The following NRXN1 variants were observed in gnomAD, a reference collection of about 807,000 sequenced individuals.
NRXN1 encodes neurexin-1.
NRXN1 carries 39 observed loss-of-function variants against 150.9 expected under a neutral mutation model. The observed-to-expected ratio is 0.26, with a 90% CI of 0.20 to 0.34. NRXN1 has a LOEUF of 0.34. NRXN1 is among the 10% of genes least tolerant of loss of function. NRXN1 has a pLI of 1.00. For missense variants in NRXN1, 1,815 were observed against 1,949.9 expected, an observed-to-expected ratio of 0.93 and a Z score of 1.30; for synonymous variants, 924 against 757.0, an observed-to-expected ratio of 1.22 and a Z score of -3.62.
intron 5 of NRXN1, among the ~76,000 whole-genome samples, chr2:50,825,077 T>A (rs1177010544): frequency 6.6e-6 from 1 of 152,208 alleles, no homozygotes; most frequent in Non-Finnish European, 1.5e-5. Context: ...TTTCCCTGGA[T>A]GCTTCCAACG....
chr2:50,758,504 C>G (rs1020756227), intron 5 of NRXN1, among the ~76,000 whole-genome samples: 3 of 151,778 alleles, frequency 2.0e-5, no homozygotes, highest in Admixed American at 1.3e-4. Context: ...AATGATGTTT[C>G]GCTGTGTTAC....
At chr2:50,880,696 T>C (rs184341108) in intron 5 of NRXN1, among the ~76,000 whole-genome samples, 83 of 152,104 alleles carry the variant, frequency 5.5e-4, no homozygotes, top group Non-Finnish European at 9.3e-4. Flanking sequence ...GCTTTCAGAA[T>C]AACAGAATTT....
rs973171831 is a variant in NRXN1, at chr2:50,725,455, C to A, written c.833-101840G>T. 2.0e-5 allele frequency among the ~76,000 whole-genome samples: 3 copies of A among 151,952 alleles called. No individual in the cohort carries two copies. In the South Asian group the frequency reaches 6.2e-4, roughly 31 times the overall value. On this transcript the variant is annotated intron_variant, in intron 5 of 22. Coordinates refer to ENST00000401669, the MANE Select transcript of NRXN1 (RefSeq NM_001330078.2). ...TCTTGGCAAAGTTCATGAGAAAAAT[C>A]ACCACACTGATTACAGGTATTGTAA...
intron 5 of NRXN1, among the ~76,000 whole-genome samples, chr2:50,641,668 A>C (rs1309720009): frequency 6.6e-6 from 1 of 152,018 alleles, no homozygotes; most frequent in East Asian, 1.9e-4. Flanking sequence ...CTTAGGGCAA[A>C]GCGGTTTTGA....
At chr2:49,978,150 G>C (rs969709818) in intron 21 of NRXN1, among the ~76,000 whole-genome samples, 6 of 152,100 alleles carry the variant, frequency 3.9e-5, no homozygotes, top group Admixed American at 3.9e-4. Context: ...GACAGAGCGA[G>C]ACTCCATCCC....
intron 21 of NRXN1, among the ~76,000 whole-genome samples, chr2:50,036,730 T>C (rs1350424443): frequency 6.6e-6 from 1 of 152,160 alleles, no homozygotes; most frequent in Non-Finnish European, 1.5e-5. Flanking sequence ...CAATGTAACG[T>C]GAGTTCTGTA....
intron 13 of NRXN1, among the ~76,000 whole-genome samples, chr2:50,504,937 C>T (rs2092142791): frequency 6.6e-6 from 1 of 152,128 alleles, no homozygotes; most frequent in African/African-American, 2.4e-5. Flanking sequence ...TCTTTAAAGC[C>T]TAGATCAAAC....
chr2:50,507,636 CAAAAA>C (rs71404959), intron 12 of NRXN1, among the ~76,000 whole-genome samples: 40 of 107,476 alleles, frequency 3.7e-4, no homozygotes, highest in African/African-American at 1.3e-3. Context: ...TCCGTCACCT[CAAAAA>C]AAAAAAAAAA....
intron 18 of NRXN1, among the ~76,000 whole-genome samples, chr2:50,132,152 G>C (rs185453947): frequency 9.9e-5 from 15 of 152,172 alleles, no homozygotes; most frequent in African/African-American, 3.4e-4. Context: ...AGATCTAAAG[G>C]CAGCAGCAAC....
chr2:50,533,215 T>C, intron 10 of NRXN1, among the ~76,000 whole-genome samples: 1 of 152,130 alleles, frequency 6.6e-6, no homozygotes, highest in Non-Finnish European at 1.5e-5. Flanking sequence ...ACTTAAGAGA[T>C]CTCAGTCAAC....
chr2:50,443,129 T>A (rs750650170), intron 17 of NRXN1, among the ~76,000 whole-genome samples: 1 of 151,956 alleles, frequency 6.6e-6, no homozygotes, highest in African/African-American at 2.4e-5. Context: ...ATGAGGTAGA[T>A]GTTTAAGGTT....
chr2:50,246,639 C>T (rs915198956), intron 17 of NRXN1, among the ~76,000 whole-genome samples: 1 of 151,906 alleles, frequency 6.6e-6, no homozygotes, highest in African/African-American at 2.4e-5. Context: ...TCAGACTAAG[C>T]TCTAACTGGA....
chr2:49,994,574 C>G lies in NRXN1; in HGVS notation c.4129-50783G>C, dbSNP rs567671433. Among the ~76,000 whole-genome samples, 7 of 152,232 alleles carry G rather than the reference C, an allele frequency of 4.6e-5. No individual in the cohort carries two copies. In the South Asian group the frequency reaches 1.5e-3, roughly 32 times the overall value. ...GTTGTTGGGAAAAATACAAGTATCT[C>G]AGAGATCACATGGTCACAACCTACC... On this transcript the variant is annotated intron_variant, in intron 21 of 22. Coordinates refer to ENST00000401669, the MANE Select transcript of NRXN1 (RefSeq NM_001330078.2).
At chr2:50,200,342 T>C (rs996285037) in intron 18 of NRXN1, among the ~76,000 whole-genome samples, 1 of 152,146 alleles carries the variant, frequency 6.6e-6, no homozygotes, top group Non-Finnish European at 1.5e-5. Context: ...CTGTCTGGAG[T>C]CATAATTAAT....
At chr2:50,808,195 G>C (rs1327824279) in intron 5 of NRXN1, among the ~76,000 whole-genome samples, 3 of 152,026 alleles carry the variant, frequency 2.0e-5, no homozygotes, top group Non-Finnish European at 2.9e-5. Flanking sequence ...AGTTTCCGGG[G>C]CAAGTATAGA....
At chr2:50,209,059 A>G (rs1158164023) in intron 18 of NRXN1, among the ~76,000 whole-genome samples, 1 of 152,134 alleles carries the variant, frequency 6.6e-6, no homozygotes. Context: ...AAGTATGAGA[A>G]TCCATGTCCA....
intron 5 of NRXN1, among the ~76,000 whole-genome samples, chr2:50,701,211 A>G (rs1396834888): frequency 6.6e-6 from 1 of 152,184 alleles, no homozygotes; most frequent in Non-Finnish European, 1.5e-5. Flanking sequence ...AAAAATATAC[A>G]GAGAAAAGTT....
chr2:50,398,502 G>A (rs1258674865), intron 17 of NRXN1, among the ~76,000 whole-genome samples: 1 of 152,106 alleles, frequency 6.6e-6, no homozygotes, highest in Non-Finnish European at 1.5e-5. Flanking sequence ...CAGTATTGTG[G>A]AAAACATAAG....
At chr2:50,059,652 GA>G (rs1694194719) in intron 19 of NRXN1, among the ~76,000 whole-genome samples, 1 of 152,048 alleles carries the variant, frequency 6.6e-6, no homozygotes, top group Non-Finnish European at 1.5e-5. Flanking sequence ...GGCCTAGGAG[GA>G]AAAAATGTTT....
Sources: gnomAD v4.1 joint callset for allele counts (sites outside exome capture counted in the v4.1 genomes callset) on GRCh38, gnomAD v4.1.1 for gene constraint, MANE v1.5 for transcripts, NCBI Gene and HGNC (gene_info 2026-07-23, HGNC 2026-07-21) for gene names.